CPXM2: variants seen among roughly 807,000 people sequenced by gnomAD.
CPXM2 encodes carboxypeptidase X, M14 family member 2, also known as inactive carboxypeptidase-like protein X2.
In CPXM2, 66 loss-of-function variants were observed where a neutral mutation model predicts 86.1. The observed-to-expected ratio is 0.77, with a 90% CI of 0.63 to 0.94. The LOEUF is 0.94. Ranked by LOEUF, CPXM2 falls within the 40% of genes least tolerant of loss-of-function variation. The pLI is 0.00. For missense variants in CPXM2, 948 were observed against 1,026.3 expected (o/e 0.92, Z 1.04); for synonymous variants, 388 against 400.2 (o/e 0.97, Z 0.36).
chr10:123,832,826 T>TAAAAAAAAAAAAAAAA lies in CPXM2; in HGVS notation c.653+9522_653+9523insTTTTTTTTTTTTTTTT, dbSNP rs537178892. ...TGGGCAACAAGAGCAAAACTCTGTC[T>TAAAAAAAAAAAAAAAA]AAAAAAAAAAAGAAGTGGGTCTTTG... On this transcript the variant is annotated intron_variant, in intron 4 of 13. Coordinates refer to ENST00000241305, the MANE Select transcript of CPXM2 (RefSeq NM_198148.3). Among the ~76,000 whole-genome samples, 151 of 133,510 alleles carry TAAAAAAAAAAAAAAAA rather than the reference T, an allele frequency of 1.1e-3. 2 individuals carry two copies. The highest frequency in any genetic ancestry group is 4.5e-3 in the African/African-American group (144 of 31,918). 87.6% of individuals were successfully genotyped at this position (133,510 alleles called of 152,430 possible).
chr10:123,812,470 C>T (rs1847714403), intron 4 of CPXM2, among the ~76,000 whole-genome samples: 1 of 152,128 alleles, frequency 6.6e-6, no homozygotes, highest in Admixed American at 6.5e-5. Flanking sequence ...GAGAATGATT[C>T]CACTTCTGGG....
intron 4 of CPXM2, among the ~76,000 whole-genome samples, chr10:123,801,146 C>T (rs1286170857): frequency 6.6e-6 from 1 of 152,176 alleles, no homozygotes; most frequent in Non-Finnish European, 1.5e-5. Flanking sequence ...CCATAATCCC[C>T]ACATGTTGTT....
At chr10:123,896,910 G>A (rs1340197444), upstream of CPXM2, among the ~76,000 whole-genome samples, 1 of 152,174 alleles carries the variant, frequency 6.6e-6, no homozygotes, top group Non-Finnish European at 1.5e-5. Context: ...CCAGCCCTCT[G>A]GGCTTGCCTC....
intron 2 of CPXM2, among the ~76,000 whole-genome samples, chr10:123,866,700 C>T (rs1049540503): frequency 1.3e-5 from 2 of 152,222 alleles, no homozygotes; most frequent in Non-Finnish European, 2.9e-5. Flanking sequence ...AATCCGCCTG[C>T]AATCTGCAGC....
At chr10:123,906,589 T>G (rs372996544) in intron 2 of CPXM2, among the ~76,000 whole-genome samples, 8 of 152,198 alleles carry the variant, frequency 5.3e-5, no homozygotes, top group African/African-American at 1.9e-4. Flanking sequence ...CAACACTTCA[T>G]AAAACTTAAA....
At chr10:123,851,674 CA>C (rs1331893494) in intron 3 of CPXM2, among the ~76,000 whole-genome samples, 2 of 150,634 alleles carry the variant, frequency 1.3e-5, no homozygotes, top group Non-Finnish European at 2.9e-5. Flanking sequence ...GAGGCTGAGG[CA>C]GGGGAATCGC....
upstream of CPXM2, among the ~76,000 whole-genome samples, chr10:123,942,161 A>G (rs1301551865): frequency 3.9e-5 from 6 of 152,162 alleles, no homozygotes; most frequent in African/African-American, 1.2e-4. Context: ...TGCAACTGCT[A>G]TTGCTCTGTG....
In CPXM2 at chr10:123,891,779, G is replaced by A. The variant is rs1017214178; in HGVS notation, c.-120C>T. 2.4e-5 allele frequency: 15 copies of A among 625,694 alleles called. 1 individual carries two copies. In the South Asian group the frequency reaches 1.0e-3, roughly 42 times the overall value. The allele number at this position is 625,694 out of a possible 1,614,324, so 38.8% of individuals were successfully genotyped here. A position where few individuals can be genotyped will look rare whatever the true frequency, so the allele number is the denominator to read the frequency against. ...GCACAGCAGAGCGGCGCGCTTGGGCGCGGGAGGCGGCCGGCTGGCTGCGCG... is the reference window on the plus strand; with the variant it reads ...GCACAGCAGAGCGGCGCGCTTGGGCACGGGAGGCGGCCGGCTGGCTGCGCG... On this transcript the variant is annotated 5_prime_UTR_variant, in exon 1 of 14. Transcript: ENST00000241305. The surrounding 1 kb of genome is among the most constrained non-coding windows in gnomAD (Gnocchi z 5.6).
At chr10:123,909,641 CAGA>C (rs1945472513) in intron 2 of CPXM2, among the ~76,000 whole-genome samples, 2 of 152,214 alleles carry the variant, frequency 1.3e-5, no homozygotes, top group Non-Finnish European at 2.9e-5. Context: ...TCTCCAAATG[CAGA>C]AGTTGACAGT....
At chr10:123,780,403 G>A in intron 6 of CPXM2, 148 bp from the exon 7 acceptor site, 1 of 602,074 alleles carries the variant, frequency 1.7e-6, no homozygotes, top group Non-Finnish European at 3.0e-6. Context: ...CAACCTGCAG[G>A]AAGCAACTTA....
At chr10:123,861,103 T>C (rs929000384) in intron 3 of CPXM2, among the ~76,000 whole-genome samples, 1 of 152,082 alleles carries the variant, frequency 6.6e-6, no homozygotes, top group Non-Finnish European at 1.5e-5. Flanking sequence ...TGTACACAGT[T>C]CCCAGCACAG....
intron 2 of CPXM2, among the ~76,000 whole-genome samples, chr10:123,873,856 C>CTTTTT (rs56223052): frequency 3.8e-4 from 40 of 105,270 alleles, no homozygotes; most frequent in Middle Eastern, 4.9e-3. Context: ...TCTCACATTT[C>CTTTTT]TTTTTTTTTT....
chr10:123,758,926 G>A lies in CPXM2; in HGVS notation c.1778-1574C>T, dbSNP rs557103193. On this transcript the variant is annotated intron_variant, in intron 11 of 13. Transcript: ENST00000241305. ...CTCAGTATCAAAACCATGGCTTTGGGGTGTCAAGAGCAACTCTATCAATCT... is the reference window on the plus strand; with the variant it reads ...CTCAGTATCAAAACCATGGCTTTGGAGTGTCAAGAGCAACTCTATCAATCT... Among the ~76,000 whole-genome samples the A allele has an allele frequency of 3.9e-5, 6 of 152,170 alleles. No homozygotes were observed. In the East Asian group the frequency reaches 5.8e-4, roughly 15 times the overall value.
At chr10:123,770,176 A>AGGC (rs1253440588) in intron 8 of CPXM2, among the ~76,000 whole-genome samples, 1 of 152,196 alleles carries the variant, frequency 6.6e-6, no homozygotes, top group Admixed American at 6.5e-5. Context: ...CAGGAGGCTG[A>AGGC]GGCAGGAGAA....
chr10:123,943,121 C>A (rs1338115913), upstream of CPXM2, among the ~76,000 whole-genome samples: 4 of 147,262 alleles, frequency 2.7e-5, no homozygotes, highest in Non-Finnish European at 6.0e-5. Context: ...CCTAACAATG[C>A]ATTTCTCAAA....
intron 2 of CPXM2, among the ~76,000 whole-genome samples, chr10:123,910,976 A>C (rs1420882053): frequency 6.7e-6 from 1 of 149,100 alleles, no homozygotes; most frequent in African/African-American, 2.5e-5. Context: ...GTGTGTCCAC[A>C]TGGCACTCCC....
At chr10:123,903,891 G>C (rs1003161271) in intron 2 of CPXM2, among the ~76,000 whole-genome samples, 1 of 152,220 alleles carries the variant, frequency 6.6e-6, no homozygotes, top group Non-Finnish European at 1.5e-5. Flanking sequence ...GATGTGCTGG[G>C]GGAAGCTCTC....
chr10:123,915,248 T>C (rs7076521), intron 2 of CPXM2, among the ~76,000 whole-genome samples: 53,513 of 152,018 alleles, frequency 0.35, 9,824 homozygotes, highest in Middle Eastern at 0.55. Flanking sequence ...TCTCCTCCTA[T>C]CTCTCCATCC....
chr10:123,818,479 C>T (rs1347500437), intron 4 of CPXM2, among the ~76,000 whole-genome samples: 2 of 152,174 alleles, frequency 1.3e-5, no homozygotes, highest in Non-Finnish European at 2.9e-5. Context: ...ATGGAAAGGG[C>T]AGAGGTTCGT....
Sources: gnomAD v4.1 joint callset for allele counts (sites outside exome capture counted in the v4.1 genomes callset) on GRCh38, gnomAD v4.1.1 for gene constraint, Gnocchi (gnomAD v3.1) non-coding constraint, MANE v1.5 for transcripts, NCBI Gene and HGNC (gene_info 2026-07-23, HGNC 2026-07-21) for gene names.